LRP6: variants seen among roughly 807,000 people sequenced by gnomAD.
LRP6 encodes the protein LDL receptor related protein 6, also known as low-density lipoprotein receptor-related protein 6.
Under a neutral mutation model 184.1 loss-of-function variants are expected in LRP6, and 43 were observed. The observed-to-expected ratio is 0.23, with a 90% CI of 0.18 to 0.30. The LOEUF is 0.30. Ranked by LOEUF, LRP6 falls within the 10% of genes least tolerant of loss-of-function variation. The probability of loss-of-function intolerance (pLI) is 1.00; values close to 1 mark genes in which losing one functional copy is unlikely to be tolerated. For synonymous variants in LRP6, 719 were observed against 684.9 expected, an observed-to-expected ratio of 1.05 and a Z score of -0.78; for missense variants, 1,571 against 2,005.3, an observed-to-expected ratio of 0.78 and a Z score of 4.14.
intron 2 of LRP6, among the ~76,000 whole-genome samples, chr12:12,223,221 C>G (rs1321629455): frequency 2.0e-5 from 3 of 150,872 alleles, no homozygotes; most frequent in Non-Finnish European, 4.4e-5. Context: ...TGAATTTTCC[C>G]AAACCTTTTA....
At chr12:12,253,247 C>T (rs1441001066) in intron 1 of LRP6, among the ~76,000 whole-genome samples, 1 of 152,084 alleles carries the variant, frequency 6.6e-6, no homozygotes, top group African/African-American at 2.4e-5. Flanking sequence ...CTGGGCAACA[C>T]AGCGAGACTC....
intron 16 of LRP6, 118 bp from the exon 17 acceptor site, chr12:12,135,418 T>C (rs1009650549): frequency 1.5e-5 from 10 of 645,548 alleles, no homozygotes; most frequent in Middle Eastern, 7.4e-4. Context: ...AAATGTATAA[T>C]CAGCTTGGAC....
chr12:12,183,194 A>G (rs1157497861), intron 5 of LRP6, among the ~76,000 whole-genome samples: 4 of 152,110 alleles, frequency 2.6e-5, no homozygotes, highest in African/African-American at 9.7e-5. Flanking sequence ...ACACTCCAAA[A>G]CACAGGCTTC....
At chr12:12,135,333 A>G in intron 16 of LRP6, 33 bp from the exon 17 acceptor site, 1 of 1,334,730 alleles carries the variant, frequency 7.5e-7, no homozygotes, top group Non-Finnish European at 1.1e-6. Context: ...TGGGGAGAGG[A>G]GGGGGAGTGG....
intron 1 of LRP6, among the ~76,000 whole-genome samples, chr12:12,256,575 G>A (rs867878096): frequency 6.6e-6 from 1 of 152,062 alleles, no homozygotes; most frequent in Non-Finnish European, 1.5e-5. Flanking sequence ...TGGGAGCCAA[G>A]GCAGGCAGAT....
At chr12:12,228,778 G>A (rs1417601945) in intron 2 of LRP6, among the ~76,000 whole-genome samples, 3 of 151,984 alleles carry the variant, frequency 2.0e-5, no homozygotes, top group East Asian at 3.9e-4. Context: ...CACCCACCCC[G>A]CTACTGCCCA....
At chr12:12,164,611 C>T (rs766258520) in intron 8 of LRP6, 49 bp from the exon 9 acceptor site, 7 of 1,555,144 alleles carry the variant, frequency 4.5e-6, no homozygotes, top group East Asian at 4.5e-5. Flanking sequence ...CACATTGATA[C>T]ATTCAACATA....
At chr12:12,191,592 T>G (rs1046466299) in intron 3 of LRP6, among the ~76,000 whole-genome samples, 2 of 152,108 alleles carry the variant, frequency 1.3e-5, no homozygotes, top group Admixed American at 6.6e-5. Flanking sequence ...ATAACATTCC[T>G]ACAGACAATA....
intron 10 of LRP6, among the ~76,000 whole-genome samples, chr12:12,161,514 C>T (rs1370660375): frequency 2.0e-5 from 3 of 152,116 alleles, no homozygotes; most frequent in Non-Finnish European, 4.4e-5. Context: ...GTGATCTGCC[C>T]ACGCCTCGGC....
At chr12:12,163,339 T>C (rs1048868490) in intron 9 of LRP6, among the ~76,000 whole-genome samples, 20 of 152,194 alleles carry the variant, frequency 1.3e-4, no homozygotes, top group Non-Finnish European at 2.9e-4. Context: ...AATTTATTTA[T>C]TTCATTTATT....
Position 12,151,155 on chromosome 12 carries a change from G to C in LRP6, c.2792-117C>G, listed in dbSNP as rs1033131720. 3.2e-5 allele frequency: 31 copies of C among 979,554 alleles called. No individual in the cohort carries two copies. In the African/African-American group the frequency reaches 3.4e-4, roughly 11 times the overall value. The allele number at this position is 979,554 out of a possible 1,614,324, so 60.7% of individuals were successfully genotyped here. ...ACAAAACAGACATAGATGTTGAAGA[G>C]CTAAGGCTGAGGACAAAATTCTTTG... is the stretch of plus-strand genomic sequence containing the variant. On this transcript the variant is annotated intron_variant, in intron 12 of 22. Coordinates refer to ENST00000261349, the MANE Select transcript of LRP6 (RefSeq NM_002336.3).
chr12:12,230,606 T>C (rs140520621), intron 2 of LRP6, among the ~76,000 whole-genome samples: 271 of 152,276 alleles, frequency 1.8e-3, no homozygotes, highest in African/African-American at 6.4e-3. Context: ...AAGTCATTAA[T>C]ATACATATTA....
In LRP6 at chr12:12,119,573, G is replaced by C. The variant is rs902317513; in HGVS notation, c.*1553C>G. On this transcript the variant is annotated 3_prime_UTR_variant, in exon 23 of 23. Transcript: ENST00000261349. ...CAGTACCATACATGACAGCAGGTCA[G>C]GCAGATCACAAAAGAGGCTTCCATT... The C allele has an allele frequency of 6.6e-6, 1 of 152,118 alleles. No homozygotes were observed. The highest frequency in any genetic ancestry group is 2.4e-5 in the African/African-American group (1 of 41,408). The allele number at this position is 152,118 out of a possible 1,614,324, so 9.4% of individuals were successfully genotyped here.
chr12:12,170,388 C>T (rs1862999890), intron 7 of LRP6, among the ~76,000 whole-genome samples: 1 of 151,924 alleles, frequency 6.6e-6, no homozygotes, highest in Non-Finnish European at 1.5e-5. Flanking sequence ...TAATCTAACA[C>T]ATCCAAAATT....
chr12:12,218,008 A>G (rs561288967), intron 2 of LRP6, among the ~76,000 whole-genome samples: 2 of 152,340 alleles, frequency 1.3e-5, no homozygotes, highest in South Asian at 4.1e-4. Flanking sequence ...CAAGCAACAA[A>G]AGAAAAAAAC....
At chr12:12,126,028 A>G (rs903201587) in intron 20 of LRP6, among the ~76,000 whole-genome samples, 1 of 152,190 alleles carries the variant, frequency 6.6e-6, no homozygotes, top group Admixed American at 6.5e-5. Context: ...CACCCATAGT[A>G]AGTTCCTATT....
Position 12,116,205 on chromosome 12 carries a change from C to T in LRP6, c.*4921G>A, listed in dbSNP as rs1244637806. On this transcript the variant is annotated 3_prime_UTR_variant, in exon 23 of 23. Transcript: ENST00000261349. ...GGACAAGGGCTGACCAAATGTTGGC[C>T]ATTATAACATAAATACATCCTTGCA... 1.3e-5 allele frequency: 2 copies of T among 152,030 alleles called. No homozygotes were observed. The highest frequency in any genetic ancestry group is 2.9e-5 in the Non-Finnish European group (2 of 68,014). 9.4% of individuals were successfully genotyped at this position (152,030 alleles called of 1,614,324 possible).
Position 12,118,565 on chromosome 12 carries a change from A to C in LRP6, c.*2561T>G, listed in dbSNP as rs1316527993. 1 of 152,138 alleles carries C rather than the reference A, an allele frequency of 6.6e-6. No homozygotes were observed. The highest frequency in any genetic ancestry group is 2.4e-5 in the African/African-American group (1 of 41,434). 9.4% of individuals were successfully genotyped at this position (152,138 alleles called of 1,614,324 possible). A position where few individuals can be genotyped will look rare whatever the true frequency, so the allele number is the denominator to read the frequency against. On this transcript the variant is annotated 3_prime_UTR_variant, in exon 23 of 23. Coordinates refer to ENST00000261349, the MANE Select transcript of LRP6 (RefSeq NM_002336.3). ...TTTTTTCCCCCTAATTTGTGATCTC[A>C]TGCTTTTCCTCTCAACTTTTCCAAT... is the stretch of plus-strand genomic sequence containing the variant.
intron 2 of LRP6, among the ~76,000 whole-genome samples, chr12:12,222,671 T>A (rs117975285): frequency 6.6e-6 from 1 of 152,038 alleles, no homozygotes; most frequent in Non-Finnish European, 1.5e-5. Context: ...CCAAACCCTA[T>A]ATATACTATG....
Sources: gnomAD v4.1 joint callset for allele counts (sites outside exome capture counted in the v4.1 genomes callset) on GRCh38, gnomAD v4.1.1 for gene constraint, MANE v1.5 for transcripts, NCBI Gene and HGNC (gene_info 2026-07-23, HGNC 2026-07-21) for gene names.